Variants in NPHS2 observed in about 807,000 individuals in gnomAD.
NPHS2 encodes NPHS2 stomatin family member, podocin.
A neutral mutation model predicts 37.1 loss-of-function variants in NPHS2; 36 were observed. That is an observed-to-expected ratio of 0.97 (90% CI 0.74 to 1.28). NPHS2 has a LOEUF of 1.28. Ranked by LOEUF, NPHS2 falls within the 50% of genes most tolerant of loss-of-function variation. The pLI is 0.00. For missense variants in NPHS2, 447 were observed against 488.1 expected, an observed-to-expected ratio of 0.92 and a Z score of 0.79; for synonymous variants, 196 against 189.3, an observed-to-expected ratio of 1.04 and a Z score of -0.29.
At chr1:179,564,211 C>G (rs1674250830) in intron 2 of NPHS2, among the ~76,000 whole-genome samples, 1 of 152,214 alleles carries the variant, frequency 6.6e-6, no homozygotes, top group Non-Finnish European at 1.5e-5. Context: ...AAATCTCTTG[C>G]TCCTCTAATT....
At chr1:179,570,673 A>G (rs1360456509) in intron 1 of NPHS2, among the ~76,000 whole-genome samples, 5 of 152,188 alleles carry the variant, frequency 3.3e-5, no homozygotes, top group Non-Finnish European at 7.3e-5. Flanking sequence ...TTATGGCCAG[A>G]TTTTGAGGGG....
chr1:179,575,650 C>A lies in NPHS2; in HGVS notation c.215G>T (p.Gly72Val). Reference sequence around the variant, plus strand: ...CACCTCGGTGCCCTCCTCGCCGGAGCCTCGGACCTCATCCACGTCCACCAC... The same window carrying A: ...CACCTCGGTGCCCTCCTCGCCGGAGACTCGGACCTCATCCACGTCCACCAC... ...ATVVDVDEVR[G>V]SGEEGTEVVA... The change falls in exon 1 of 8, where the codon GGC (glycine) becomes GTC (valine). Residue 72 changes from glycine to valine, a missense_variant. Transcript: ENST00000367615. 2 of 1,603,630 alleles carry A rather than the reference C, an allele frequency of 1.2e-6. No individual in the cohort carries two copies. The highest frequency in any genetic ancestry group is 1.7e-6 in the Non-Finnish European group (2 of 1,179,728).
At chr1:179,570,548 G>A (rs1441804504) in intron 1 of NPHS2, among the ~76,000 whole-genome samples, 1 of 152,200 alleles carries the variant, frequency 6.6e-6, no homozygotes, top group Admixed American at 6.5e-5. Flanking sequence ...GGCAGGCCAG[G>A]TGTTCCTTGC....
At chr1:179,558,764 A>G (rs975705873) in intron 4 of NPHS2, among the ~76,000 whole-genome samples, 1 of 152,168 alleles carries the variant, frequency 6.6e-6, no homozygotes, top group Non-Finnish European at 1.5e-5. Flanking sequence ...CCAGGTTTTT[A>G]AAAAAACAGT....
intron 1 of NPHS2, among the ~76,000 whole-genome samples, chr1:179,569,091 G>A (rs1366345019): frequency 6.6e-6 from 1 of 152,004 alleles, no homozygotes; most frequent in Admixed American, 6.6e-5. Flanking sequence ...GCTGAGTTCT[G>A]GTCCTGGATA....
chr1:179,566,669 G>A (rs549716762), intron 1 of NPHS2, among the ~76,000 whole-genome samples: 10 of 152,260 alleles, frequency 6.6e-5, no homozygotes, highest in South Asian at 2.1e-4. Context: ...TATTGCCTAG[G>A]TTTTCTTCTA....
At chr1:179,568,557 C>G (rs1572290914) in intron 1 of NPHS2, among the ~76,000 whole-genome samples, 1 of 152,112 alleles carries the variant, frequency 6.6e-6, no homozygotes, top group African/African-American at 2.4e-5. Flanking sequence ...TCTTTCAGTT[C>G]TGCTCTGATC....
At position 179,551,460 on chromosome 1, in the gene NPHS2, CAT is replaced by C. The variant is rs774075788; in HGVS notation, c.874-11_874-10del. The stretch of plus-strand genomic sequence containing the variant: ...GCTTCTGCAGCAATCATCTAGAAAA[CAT>C]GTGACGAAAGCAAAGTGATTGTTCT... On this transcript the variant is annotated splice_polypyrimidine_tract_variant and intron_variant, in intron 7 of 7. Transcript: ENST00000367615. 63 of 1,612,634 alleles carry C rather than the reference CAT, an allele frequency of 3.9e-5. 1 individual carries two copies. The highest frequency in any genetic ancestry group is 2.9e-4 in the East Asian group (13 of 44,894).
rs1237310267 is a variant in NPHS2 at position 179,559,674 on chromosome 1, C to T, written c.534+5G>A. On this transcript the variant is annotated splice_donor_5th_base_variant and intron_variant, in intron 4 of 7. Transcript: ENST00000367615. ...AGAGAAAGCAAAAGCCATCATTTGGCTTACCTCATGAAAAGGTATCTCCAG... is the reference window on the plus strand; with the variant it reads ...AGAGAAAGCAAAAGCCATCATTTGGTTTACCTCATGAAAAGGTATCTCCAG... The T allele has an allele frequency of 1.9e-6, 3 of 1,569,596 alleles. No homozygotes were observed. Among genetic ancestry groups the T allele is most frequent in the East Asian group, 2.3e-5 (1 of 43,438 alleles).
At chr1:179,572,899 A>G (rs1198331360) in intron 1 of NPHS2, among the ~76,000 whole-genome samples, 2 of 151,350 alleles carry the variant, frequency 1.3e-5, no homozygotes, top group African/African-American at 2.4e-5. Context: ...CAGTGATGCA[A>G]TCATGGCTTT....
intron 1 of NPHS2, among the ~76,000 whole-genome samples, chr1:179,570,642 A>T (rs1436859027): frequency 6.6e-6 from 1 of 152,178 alleles, no homozygotes; most frequent in Non-Finnish European, 1.5e-5. Context: ...GATTTTGTTT[A>T]TGGCCAGTTT....
chr1:179,557,643 G>T (rs1165834177), intron 4 of NPHS2, among the ~76,000 whole-genome samples: 3 of 152,072 alleles, frequency 2.0e-5, no homozygotes, highest in Non-Finnish European at 4.4e-5. Flanking sequence ...CTAGAAAGAT[G>T]TCTTAACATT....
chr1:179,554,373 G>T, intron 6 of NPHS2, 103 bp downstream of exon 6: 1 of 1,340,956 alleles, frequency 7.5e-7, no homozygotes, highest in Non-Finnish European at 1.1e-6. Flanking sequence ...TGCTGATATG[G>T]CTATAGTACT....
At chr1:179,555,344 A>T (rs1402834606) in intron 5 of NPHS2, among the ~76,000 whole-genome samples, 1 of 151,508 alleles carries the variant, frequency 6.6e-6, no homozygotes, top group Non-Finnish European at 1.5e-5. Context: ...TCTACAGCTG[A>T]TGCTGGTGGT....
At chr1:179,560,139 G>A (rs945009110) in intron 3 of NPHS2, among the ~76,000 whole-genome samples, 3 of 152,030 alleles carry the variant, frequency 2.0e-5, no homozygotes, top group African/African-American at 7.2e-5. Context: ...CTCTAAAATT[G>A]TTTTTGAATC....
Position 179,575,708 on chromosome 1 carries a change from T to TC in NPHS2, c.156dup (p.Thr53AspfsTer17). On this transcript the variant is annotated frameshift_variant, in exon 1 of 8. Transcript: ENST00000367615. LOFTEE classifies it high-confidence loss of function. ...GCGGGCGCTCGGGGCTCCCCCGGGG[T>TC]CCCCGCCCGTCCGGAGCCCGACGGC... The TC allele has an allele frequency of 6.4e-7, 1 of 1,559,808 alleles. No homozygotes were observed.
chr1:179,569,001 G>A (rs1031273918), intron 1 of NPHS2, among the ~76,000 whole-genome samples: 2 of 152,204 alleles, frequency 1.3e-5, no homozygotes, highest in African/African-American at 4.8e-5. Flanking sequence ...TAAATATGAT[G>A]TGGTGCTGAG....
chr1:179,555,338 C>T (rs1325206692), intron 5 of NPHS2, among the ~76,000 whole-genome samples: 2 of 152,188 alleles, frequency 1.3e-5, no homozygotes, highest in African/African-American at 4.8e-5. Context: ...TTCACTTCTA[C>T]AGCTGATGCT....
intron 3 of NPHS2, among the ~76,000 whole-genome samples, chr1:179,560,402 C>T (rs989671878): frequency 2.0e-5 from 3 of 152,140 alleles, no homozygotes; most frequent in African/African-American, 7.2e-5. Flanking sequence ...TTTGTTGAAA[C>T]AAGCAGCACC....
Sources: allele counts gnomAD v4.1 joint callset (sites outside exome capture counted in the v4.1 genomes callset), GRCh38; gene constraint gnomAD v4.1.1; transcripts MANE v1.5; gene names NCBI Gene and HGNC (gene_info 2026-07-23, HGNC 2026-07-21).